The following TRPM1 variants were observed in gnomAD, a reference collection of about 807,000 sequenced individuals.
TRPM1 encodes TRPM1-203 APA Isoform, Intron 10.
TRPM1 carries 113 observed loss-of-function variants against 149.4 expected under a neutral mutation model. The observed-to-expected ratio is 0.76, with a 90% CI of 0.65 to 0.88. The LOEUF (loss-of-function observed/expected upper bound fraction) is 0.88, where lower values mean the gene tolerates loss of function less well. Ranked by LOEUF, TRPM1 falls within the 40% of genes least tolerant of loss-of-function variation. The probability of loss-of-function intolerance (pLI) is 0.00; values close to 1 mark genes in which losing one functional copy is unlikely to be tolerated. For missense variants in TRPM1, 1,976 were observed against 2,038.7 expected (o/e 0.97, Z 0.59); for synonymous variants, 741 against 759.5 (o/e 0.98, Z 0.40).
At chr15:31,114,424 G>A (rs2035770488) in intron 1 of TRPM1, among the ~76,000 whole-genome samples, 1 of 152,132 alleles carries the variant, frequency 6.6e-6, no homozygotes, top group African/African-American at 2.4e-5. Flanking sequence ...TTATTGATGG[G>A]CATTTAGGTT....
Position 31,090,929 on chromosome 15 carries a change from C to T in TRPM1, c.-83-9491G>A, listed in dbSNP as rs563433769. ...TTGTCTATGACATGGAGTAATGAGG[C>T]TGATTTCTCATGGTTTCTGTAAGGA... is the stretch of plus-strand genomic sequence containing the variant. On this transcript the variant is annotated intron_variant, in intron 1 of 27. Coordinates refer to ENST00000256552, the MANE Select transcript of TRPM1 (RefSeq NM_001252024.2). Among the ~76,000 whole-genome samples the T allele has an allele frequency of 2.1e-3, 320 of 152,276 alleles. 3 individuals are homozygous for T. Among genetic ancestry groups the T allele is most frequent in the Non-Finnish European group, 3.4e-3 (233 of 68,014 alleles).
At chr15:31,112,741 G>T (rs1166094659) in intron 1 of TRPM1, among the ~76,000 whole-genome samples, 1 of 152,092 alleles carries the variant, frequency 6.6e-6, no homozygotes, top group Non-Finnish European at 1.5e-5. Context: ...CAACAAAAAA[G>T]ATTCCACGTG....
Position 31,068,054 on chromosome 15 carries a change from C to T in TRPM1, c.318G>A (p.Leu106=). The change falls in exon 5 of 28, where the codon CTG becomes CTA. Residue 106 remains leucine, a synonymous_variant. Transcript: ENST00000256552. ...RVSYDTKPDS[L]LHLMVKDWQL... ...GCCAATCTTTCACCATGAGATGGAG[C>T]AGTGAGTCTGGCTTGGTGTCATAGG... The T allele has an allele frequency of 1.2e-6, 2 of 1,614,172 alleles. No homozygotes were observed. The highest frequency in any genetic ancestry group is 2.2e-5 in the South Asian group (2 of 91,078).
chr15:31,153,481 T>C (rs1185628571), intron 1 of TRPM1, among the ~76,000 whole-genome samples: 1 of 152,146 alleles, frequency 6.6e-6, no homozygotes, highest in Non-Finnish European at 1.5e-5. Context: ...CCTGCCACCA[T>C]GCCTAGCTAA....
At chr15:31,129,766 T>G (rs2035994896) in intron 1 of TRPM1, among the ~76,000 whole-genome samples, 1 of 152,178 alleles carries the variant, frequency 6.6e-6, no homozygotes, top group East Asian at 1.9e-4. Context: ...CACCCGTGTG[T>G]GGTTCCCTCC....
chr15:31,053,432 T>TC (rs59163060), intron 11 of TRPM1, among the ~76,000 whole-genome samples: 2 of 151,172 alleles, frequency 1.3e-5, no homozygotes, highest in East Asian at 1.9e-4. Flanking sequence ...TTTTTTTTTT[T>TC]CTGTATTTTT....
At chr15:31,070,410 A>C in intron 3 of TRPM1, 184 bp from the exon 4 acceptor site, 2 of 715,334 alleles carry the variant, frequency 2.8e-6, no homozygotes, top group Non-Finnish European at 5.1e-6. Flanking sequence ...TAATCAGTGC[A>C]CATCTCTTTA....
At chr15:31,034,201 T>C (rs1006221912) in intron 21 of TRPM1, among the ~76,000 whole-genome samples, 3 of 152,232 alleles carry the variant, frequency 2.0e-5, no homozygotes, top group African/African-American at 4.8e-5. Context: ...GTATCCGGCC[T>C]ATCTTTCCTC....
At chr15:31,144,428 C>T (rs985553585) in intron 1 of TRPM1, among the ~76,000 whole-genome samples, 8 of 152,134 alleles carry the variant, frequency 5.3e-5, no homozygotes, top group Non-Finnish European at 1.2e-4. Flanking sequence ...GACAGCAAGA[C>T]TCTGTCTCAA....
rs540306374 is a variant in TRPM1, at chr15:31,066,115, G to A, written c.751C>T (p.Leu251=). 2 of 1,614,190 alleles carry A rather than the reference G, an allele frequency of 1.2e-6. No homozygotes were observed. Among genetic ancestry groups the A allele is most frequent in the Non-Finnish European group, 1.7e-6 (2 of 1,180,014 alleles). Residue 251 remains leucine (L), a synonymous_variant, in exon 7 of 28, where the codon CTG becomes TTG. Coordinates refer to ENST00000256552, the MANE Select transcript of TRPM1 (RefSeq NM_001252024.2). ...TGCAGGGAGATGTGCTTTTCCAGCA[G>A]CCTTCGCAGCTTCACCTCGGCGCCA... ...KYGAEVKLRR[L]LEKHISLQKI...
intron 1 of TRPM1, among the ~76,000 whole-genome samples, chr15:31,125,729 C>CAAA (rs59878175): frequency 5.3e-4 from 28 of 52,750 alleles, no homozygotes; most frequent in East Asian, 1.4e-3. Flanking sequence ...GACTCCGTCT[C>CAAA]AAAAAAAAAA....
intron 1 of TRPM1, chr15:31,160,854 C>G: frequency 6.6e-7 from 1 of 1,522,662 alleles, no homozygotes; most frequent in Non-Finnish European, 8.8e-7. Flanking sequence ...AGACCAGTGT[C>G]CCTCTGCCCT....
chr15:31,112,677 G>C (rs191805017), intron 1 of TRPM1, among the ~76,000 whole-genome samples: 1 of 152,166 alleles, frequency 6.6e-6, no homozygotes, highest in East Asian at 1.9e-4. Flanking sequence ...AGAGTACTGC[G>C]TCTGCCCAAA....
chr15:31,113,848 G>A lies in TRPM1; in HGVS notation c.55-36864C>T, dbSNP rs139402257. Among the ~76,000 whole-genome samples the A allele has an allele frequency of 3.2e-3, 483 of 152,268 alleles. 8 individuals carry two copies. The highest frequency in any genetic ancestry group is 0.011 in the African/African-American group (452 of 41,548). Reference sequence around the variant, plus strand: ...GTGAAGATGTGAACAGCAAAACAACGACGCTCCCACACGCTGGAAGGGTAC... The same window carrying A: ...GTGAAGATGTGAACAGCAAAACAACAACGCTCCCACACGCTGGAAGGGTAC... On this transcript the variant is annotated intron_variant, in intron 1 of 26. Coordinates refer to the TRPM1 transcript ENST00000542188.
chr15:31,020,832 C>G (rs560340165), intron 27 of TRPM1, among the ~76,000 whole-genome samples: 1 of 152,286 alleles, frequency 6.6e-6, no homozygotes, highest in South Asian at 2.1e-4. Context: ...TTCTGGTAGG[C>G]TTAGCGCGCA....
chr15:31,152,763 C>G (rs2141063437), intron 1 of TRPM1, among the ~76,000 whole-genome samples: 1 of 152,304 alleles, frequency 6.6e-6, no homozygotes, highest in African/African-American at 2.4e-5. Context: ...CCACCTCAGC[C>G]TCCCAAGTAG....
At chr15:31,018,764 C>G (rs2032457462) in intron 27 of TRPM1, among the ~76,000 whole-genome samples, 1 of 152,252 alleles carries the variant, frequency 6.6e-6, no homozygotes, top group African/African-American at 2.4e-5. Flanking sequence ...CTCTCCGGTT[C>G]AAGTGATTCT....
chr15:31,061,381 G>A, intron 10 of TRPM1, 61 bp downstream of exon 10: 1 of 1,536,652 alleles, frequency 6.5e-7, no homozygotes, highest in Non-Finnish European at 9.0e-7. Context: ...GGCCGGGAGG[G>A]AAGGATTGCC....
In TRPM1 at chr15:31,002,302, C is replaced by G. The variant is rs1298138034; in HGVS notation, c.4398G>C (p.Arg1466=). The change falls in exon 28 of 28, where the codon CGG becomes CGC. Residue 1466 remains arginine (R), a synonymous_variant. Transcript: ENST00000256552. ...TMKSRSFVYS[R]GRKLVGGVNQ... is the part of the protein sequence containing the mutation. ...TAACCCCACCGACCAGCTTTCTTCC[C>G]CGGGAATAGACGAAGCTTCTGGACT... is the stretch of plus-strand genomic sequence containing the variant. 1 of 1,614,208 alleles carries G rather than the reference C, an allele frequency of 6.2e-7. No homozygotes were observed. The highest frequency in any genetic ancestry group is 2.2e-5 in the East Asian group (1 of 44,884).
Sources: gnomAD v4.1 joint callset for allele counts (sites outside exome capture counted in the v4.1 genomes callset) on GRCh38, gnomAD v4.1.1 for gene constraint, MANE v1.5 for transcripts, NCBI Gene and HGNC (gene_info 2026-07-23, HGNC 2026-07-21) for gene names.